Variants in CCDC25 observed in about 807,000 individuals in gnomAD.
CCDC25 encodes the protein coiled-coil domain containing 25, also known as coiled-coil domain-containing protein 25.
Under a neutral mutation model 35.3 loss-of-function variants are expected in CCDC25, and 16 were observed. The observed-to-expected ratio is 0.45, with a 90% CI of 0.31 to 0.69. The LOEUF (loss-of-function observed/expected upper bound fraction) is 0.69. Ranked by LOEUF, CCDC25 falls within the 30% of genes least tolerant of loss-of-function variation. The probability of loss-of-function intolerance (pLI) is 0.06; values close to 1 mark genes in which losing one functional copy is unlikely to be tolerated. For synonymous variants in CCDC25, 79 were observed against 80.3 expected, an observed-to-expected ratio of 0.98 and a Z score of 0.09; for missense variants, 179 against 250.7, an observed-to-expected ratio of 0.71 and a Z score of 1.93.
chr8:27,744,577 C>T (rs1803544773), intron 7 of CCDC25, among the ~76,000 whole-genome samples: 1 of 152,202 alleles, frequency 6.6e-6, no homozygotes, highest in South Asian at 2.1e-4. Context: ...TTCATTCATC[C>T]TGTAAGTCTA....
rs886087952 is a variant in CCDC25 at position 27,734,608 on chromosome 8, A to G, written c.*1608T>C. ...TCAACACAGAGCTATGAATTCAACA[A>G]GAGAATTCAGCAGAGACCTGGACAT... On this transcript the variant is annotated 3_prime_UTR_variant, in exon 9 of 9. Transcript: ENST00000356537. 6.6e-6 allele frequency: 1 copy of G among 152,262 alleles called. No homozygotes were observed. The highest frequency in any genetic ancestry group is 1.5e-5 in the Non-Finnish European group (1 of 68,054). The allele number at this position is 152,262 out of a possible 1,614,324, so 9.4% of individuals were successfully genotyped here.
chr8:27,741,418 C>T (rs997828175), intron 7 of CCDC25, among the ~76,000 whole-genome samples: 1 of 152,200 alleles, frequency 6.6e-6, no homozygotes, highest in Admixed American at 6.5e-5. Context: ...CAGTGGCTCA[C>T]GCCTGTAATC....
At chr8:27,768,967 T>C (rs1055932253) in intron 1 of CCDC25, among the ~76,000 whole-genome samples, 1 of 152,204 alleles carries the variant, frequency 6.6e-6, no homozygotes. Context: ...AGAATGAAAA[T>C]GGAACACATT....
At chr8:27,763,791 T>G (rs192067681) in intron 2 of CCDC25, among the ~76,000 whole-genome samples, 11 of 152,198 alleles carry the variant, frequency 7.2e-5, no homozygotes, top group Admixed American at 6.5e-4. Flanking sequence ...GAAAGTATGG[T>G]CTATATAATT....
chr8:27,755,409 A>G (rs555518566), intron 4 of CCDC25, among the ~76,000 whole-genome samples: 2 of 152,356 alleles, frequency 1.3e-5, no homozygotes, highest in East Asian at 3.9e-4. Flanking sequence ...TAAACGCAGG[A>G]GTCTAGGCTG....
intron 7 of CCDC25, among the ~76,000 whole-genome samples, chr8:27,745,426 C>T (rs1313035881): frequency 1.3e-5 from 2 of 152,184 alleles, no homozygotes; most frequent in African/African-American, 4.8e-5. Context: ...CTTATTTCTT[C>T]TGGTTTCGAC....
At chr8:27,736,855 T>C (rs1803247607) in intron 8 of CCDC25, among the ~76,000 whole-genome samples, 1 of 152,220 alleles carries the variant, frequency 6.6e-6, no homozygotes, top group Admixed American at 6.5e-5. Context: ...ATTGTGTGGC[T>C]TACAAGCAAG....
At position 27,770,654 on chromosome 8, in the gene CCDC25, G is replaced by A. The variant is rs948133856; in HGVS notation, c.28+1859C>T. Among the ~76,000 whole-genome samples the A allele has an allele frequency of 7.9e-5, 12 of 151,382 alleles. No individual in the cohort carries two copies. In the East Asian group the frequency reaches 1.7e-3, roughly 22 times the overall value. ...CACAGGAGGCTGAGGCAGCAGAATC[G>A]CTTGAACCCGGGAGGCAGAGGTTGC... On this transcript the variant is annotated intron_variant, in intron 1 of 8. Coordinates refer to ENST00000356537, the MANE Select transcript of CCDC25 (RefSeq NM_018246.3).
chr8:27,758,794 A>G (rs774753018), intron 3 of CCDC25, among the ~76,000 whole-genome samples: 6 of 152,248 alleles, frequency 3.9e-5, no homozygotes, highest in Non-Finnish European at 7.3e-5. Flanking sequence ...AATTTTGTCA[A>G]AAGAAATACC....
chr8:27,753,705 C>T (rs1390289029), intron 4 of CCDC25, among the ~76,000 whole-genome samples: 1 of 152,198 alleles, frequency 6.6e-6, no homozygotes, highest in African/African-American at 2.4e-5. Flanking sequence ...ATTAATCTGA[C>T]CCAAAATGAA....
intron 4 of CCDC25, 29 bp from the exon 5 acceptor site, chr8:27,752,616 C>G: frequency 6.4e-7 from 1 of 1,552,084 alleles, no homozygotes. Context: ...CCAATTGGTC[C>G]ACTACCTCAT....
At position 27,736,117 on chromosome 8, in the gene CCDC25, T is replaced by A. The variant is rs1417325699; in HGVS notation, c.*99A>T. 4.2e-5 allele frequency: 46 copies of A among 1,106,628 alleles called. No individual in the cohort carries two copies. The Admixed American group carries it at 4.4e-4, about 11-fold the overall frequency. The allele number at this position is 1,106,628 out of a possible 1,614,324, so 68.6% of individuals were successfully genotyped here. A position where few individuals can be genotyped will look rare whatever the true frequency, so the allele number is the denominator to read the frequency against. The stretch of plus-strand genomic sequence containing the variant: ...TTCTGGGTAGGATGAAGGTAGAATT[T>A]TGGTTGTATTTTATATTTCAGAACA... On this transcript the variant is annotated 3_prime_UTR_variant, in exon 9 of 9. Coordinates refer to ENST00000356537, the MANE Select transcript of CCDC25 (RefSeq NM_018246.3).
chr8:27,743,511 AT>A (rs1803508000), intron 7 of CCDC25, among the ~76,000 whole-genome samples: 3 of 152,226 alleles, frequency 2.0e-5, no homozygotes, highest in Admixed American at 2.0e-4. Context: ...TGCTGCTCCC[AT>A]ACAAGGTCTT....
chr8:27,768,981 G>A (rs1804496451), intron 1 of CCDC25, among the ~76,000 whole-genome samples: 1 of 152,206 alleles, frequency 6.6e-6, no homozygotes, highest in Non-Finnish European at 1.5e-5. Context: ...ACACATTTTA[G>A]TCAGATATTA....
At chr8:27,766,262 T>C (rs1249358398) in intron 1 of CCDC25, among the ~76,000 whole-genome samples, 1 of 152,214 alleles carries the variant, frequency 6.6e-6, no homozygotes, top group Non-Finnish European at 1.5e-5. Flanking sequence ...CTGCTGGCTA[T>C]CACTCCACAG....
rs1468297697 is a variant in CCDC25, at chr8:27,748,536, C to G, written c.307G>C (p.Asp103His). 6.2e-7 allele frequency: 1 copy of G among 1,613,236 alleles called. No individual in the cohort carries two copies. The highest frequency in any genetic ancestry group is 8.5e-7 in the Non-Finnish European group (1 of 1,179,946). The change falls in exon 6 of 9, where the codon GAC becomes CAC. Residue 103 changes from aspartate (D) to histidine (H), a missense_variant. Physicochemically the swap from Asp to His is moderately conservative, Grantham distance 81. Transcript: ENST00000356537. Reference protein sequence around the residue: ...TPWSNLKKTADMDVGQIGFHR... With the variant: ...TPWSNLKKTAHMDVGQIGFHR... ...AAGCCTATCTGCCCCACATCCATGT[C>G]AGCTGTTTTCTTCAGGTTAGACCAC...
intron 8 of CCDC25, among the ~76,000 whole-genome samples, chr8:27,740,203 T>C (rs1170560111): frequency 3.3e-5 from 5 of 152,112 alleles, no homozygotes; most frequent in Non-Finnish European, 7.4e-5. Flanking sequence ...TAAAGTCCTG[T>C]AAATATAAAA....
chr8:27,771,527 C>G (rs1363236979), intron 1 of CCDC25, among the ~76,000 whole-genome samples: 1 of 152,158 alleles, frequency 6.6e-6, no homozygotes, highest in Non-Finnish European at 1.5e-5. Context: ...CTCTCTCTCT[C>G]TCTCAAAACC....
rs536271602 is a variant in CCDC25 at position 27,735,884 on chromosome 8, G to A, written c.*332C>T. The A allele has an allele frequency of 5.1e-4, 114 of 224,560 alleles. No homozygotes were observed. Among genetic ancestry groups the A allele is most frequent in the African/African-American group, 2.1e-3 (91 of 43,820 alleles). The allele number at this position is 224,560 out of a possible 1,614,324, so 13.9% of individuals were successfully genotyped here. A position where few individuals can be genotyped will look rare whatever the true frequency, so the allele number is the denominator to read the frequency against. Reference sequence around the variant, plus strand: ...CATCTGTTTTCAGGGATAGACCAGAGCAGCAGAAGTACTTTTCAGAGCTGG... The same window carrying A: ...CATCTGTTTTCAGGGATAGACCAGAACAGCAGAAGTACTTTTCAGAGCTGG... On this transcript the variant is annotated 3_prime_UTR_variant, in exon 9 of 9. Coordinates refer to ENST00000356537, the MANE Select transcript of CCDC25 (RefSeq NM_018246.3).
Sources: gnomAD v4.1 joint callset for allele counts (sites outside exome capture counted in the v4.1 genomes callset) on GRCh38, gnomAD v4.1.1 for gene constraint, MANE v1.5 for transcripts, NCBI Gene and HGNC (gene_info 2026-07-23, HGNC 2026-07-21) for gene names.